NKAIN3: variants seen among roughly 807,000 people sequenced by gnomAD.
NKAIN3 encodes sodium/potassium-transporting ATPase subunit beta-1-interacting protein 3.
In NKAIN3, 25 loss-of-function variants were observed where a neutral mutation model predicts 30.2. The ratio of observed to expected loss-of-function variants is 0.83; its 90% CI spans 0.60 to 1.16. The LOEUF (loss-of-function observed/expected upper bound fraction) is 1.16, where lower values mean the gene tolerates loss of function less well. NKAIN3 is among the 50% of genes most tolerant of loss of function. The probability of loss-of-function intolerance (pLI) is 0.00; values close to 1 mark genes in which losing one functional copy is unlikely to be tolerated. For synonymous variants in NKAIN3, 91 were observed against 89.6 expected (o/e 1.02, Z -0.09); for missense variants, 225 against 254.1 (o/e 0.89, Z 0.78).
intron 4 of NKAIN3, among the ~76,000 whole-genome samples, chr8:62,894,487 T>G (rs546565960): frequency 1.8e-4 from 28 of 152,300 alleles, no homozygotes; most frequent in Middle Eastern, 3.4e-3. Flanking sequence ...TTATTTGTGT[T>G]TGTTTGTTGA....
chr8:62,584,844 T>C (rs1380276874), intron 2 of NKAIN3, among the ~76,000 whole-genome samples: 2 of 152,202 alleles, frequency 1.3e-5, no homozygotes, highest in Admixed American at 6.5e-5. Flanking sequence ...CCGGCTGTCA[T>C]CATTGCTTCG....
intron 4 of NKAIN3, among the ~76,000 whole-genome samples, chr8:62,839,494 G>C (rs1819468480): frequency 6.6e-6 from 1 of 152,096 alleles, no homozygotes; most frequent in East Asian, 1.9e-4. Flanking sequence ...AAGTAAATCT[G>C]TTGTAGAGAC....
At position 62,972,789 on chromosome 8, in the gene NKAIN3, T is replaced by C. The variant is rs1336900995; in HGVS notation, c.*7382T>C. On this transcript the variant is annotated 3_prime_UTR_variant, in exon 7 of 7. Coordinates refer to ENST00000623646, the MANE Select transcript of NKAIN3 (RefSeq NM_001304533.3). ...TTGCTGCACCCATCAATTCATCATC[T>C]ACATTAGGTATATCTCCTAATGTTA... Among the ~76,000 whole-genome samples the C allele has an allele frequency of 6.6e-6, 1 of 152,192 alleles. No individual in the cohort carries two copies. The highest frequency in any genetic ancestry group is 1.9e-4 in the East Asian group (1 of 5,200).
At chr8:62,494,962 C>T (rs1807189666) in intron 1 of NKAIN3, among the ~76,000 whole-genome samples, 1 of 151,928 alleles carries the variant, frequency 6.6e-6, no homozygotes, top group Non-Finnish European at 1.5e-5. Flanking sequence ...AAAAATGACT[C>T]CTGGATTTGC....
At chr8:62,786,570 G>A (rs572189019) in intron 4 of NKAIN3, among the ~76,000 whole-genome samples, 2 of 152,070 alleles carry the variant, frequency 1.3e-5, no homozygotes, top group South Asian at 4.2e-4. Flanking sequence ...GTGATCTAGG[G>A]AACAGTAACA....
intron 1 of NKAIN3, among the ~76,000 whole-genome samples, chr8:62,534,494 TC>T (rs1808589206): frequency 6.6e-6 from 1 of 152,138 alleles, no homozygotes; most frequent in Non-Finnish European, 1.5e-5. Flanking sequence ...TGTATTTTTT[TC>T]ACACCCCCAA....
chr8:62,266,366 A>G lies in NKAIN3; in HGVS notation c.54+17239A>G, dbSNP rs551518168. ...TTATGTAACCTTGGTAGGAATTACCATATTAAAATAAATTAAGATTTCTCT... is the reference window on the plus strand; with the variant it reads ...TTATGTAACCTTGGTAGGAATTACCGTATTAAAATAAATTAAGATTTCTCT... On this transcript the variant is annotated intron_variant, in intron 1 of 6. Coordinates refer to ENST00000623646, the MANE Select transcript of NKAIN3 (RefSeq NM_001304533.3). Among the ~76,000 whole-genome samples the G allele has an allele frequency of 7.8e-4, 119 of 152,332 alleles. 1 individual carries two copies. Among genetic ancestry groups the G allele is most frequent in the Admixed American group, 3.1e-3 (47 of 15,294 alleles).
At chr8:62,611,681 G>C (rs1281867971) in intron 3 of NKAIN3, among the ~76,000 whole-genome samples, 2 of 151,960 alleles carry the variant, frequency 1.3e-5, no homozygotes, top group East Asian at 1.9e-4. Flanking sequence ...TTTAAAATCT[G>C]TTCATCTGTT....
At chr8:62,451,508 A>G (rs761026883) in intron 1 of NKAIN3, among the ~76,000 whole-genome samples, 1 of 152,176 alleles carries the variant, frequency 6.6e-6, no homozygotes, top group Non-Finnish European at 1.5e-5. Context: ...AGGAGAACGT[A>G]TAAGCACCAC....
chr8:62,447,744 A>G (rs1805528073), intron 1 of NKAIN3, among the ~76,000 whole-genome samples: 1 of 152,028 alleles, frequency 6.6e-6, no homozygotes, highest in South Asian at 2.1e-4. Context: ...CCTGGTAGCA[A>G]ATTAGATCCC....
intron 4 of NKAIN3, among the ~76,000 whole-genome samples, chr8:62,790,441 A>C (rs1221314649): frequency 6.6e-6 from 1 of 152,104 alleles, no homozygotes; most frequent in Non-Finnish European, 1.5e-5. Flanking sequence ...CTTATTTTAA[A>C]AAGTTATGAG....
intron 1 of NKAIN3, among the ~76,000 whole-genome samples, chr8:62,513,563 C>T (rs1807879318): frequency 6.6e-6 from 1 of 151,914 alleles, no homozygotes; most frequent in Non-Finnish European, 1.5e-5. Flanking sequence ...GACAAACATT[C>T]CAGGCAAAGG....
At chr8:62,368,893 AT>A (rs1049892036) in intron 1 of NKAIN3, among the ~76,000 whole-genome samples, 1 of 151,410 alleles carries the variant, frequency 6.6e-6, no homozygotes, top group African/African-American at 2.4e-5. Context: ...TGCAATGCCT[AT>A]TCTAGGAAGA....
intron 1 of NKAIN3, among the ~76,000 whole-genome samples, chr8:62,433,484 G>T (rs1805078722): frequency 6.6e-6 from 1 of 152,060 alleles, no homozygotes; most frequent in Admixed American, 6.6e-5. Flanking sequence ...GCCAGATATG[G>T]GATCTGGGTA....
chr8:62,674,158 C>T (rs1813400091), intron 3 of NKAIN3, among the ~76,000 whole-genome samples: 1 of 152,176 alleles, frequency 6.6e-6, no homozygotes, highest in Admixed American at 6.5e-5. Flanking sequence ...GCAATCTGAA[C>T]CTCCTCCACC....
At chr8:62,690,218 C>T (rs1445937006) in intron 3 of NKAIN3, among the ~76,000 whole-genome samples, 1 of 152,064 alleles carries the variant, frequency 6.6e-6, no homozygotes, top group Non-Finnish European at 1.5e-5. Flanking sequence ...GCGCCTCACC[C>T]AGAAATGCCA....
intron 3 of NKAIN3, among the ~76,000 whole-genome samples, chr8:62,729,040 C>CAAAAAAAAA (rs1317282077): frequency 1.6e-5 from 1 of 61,194 alleles, no homozygotes; most frequent in Non-Finnish European, 3.0e-5. Context: ...AAAAAAAAAA[C>CAAAAAAAAA]AAAAAAAAAA....
In NKAIN3 at chr8:62,965,649, T is replaced by G; in HGVS notation, c.*242T>G. 2 of 967,468 alleles carry G rather than the reference T, an allele frequency of 2.1e-6. No homozygotes were observed. The allele number at this position is 967,468 out of a possible 1,614,324, so 59.9% of individuals were successfully genotyped here. A position where few individuals can be genotyped will look rare whatever the true frequency, so the allele number is the denominator to read the frequency against. On this transcript the variant is annotated 3_prime_UTR_variant, in exon 7 of 7. Transcript: ENST00000623646. The stretch of plus-strand genomic sequence containing the variant: ...AAAAAAAAAAAAAGAAAAAACAGAA[T>G]TTGGTTTTAAATTTTTAACAATATT...
intron 1 of NKAIN3, among the ~76,000 whole-genome samples, chr8:62,313,576 A>G (rs936080468): frequency 3.3e-5 from 5 of 152,158 alleles, no homozygotes; most frequent in Non-Finnish European, 5.9e-5. Flanking sequence ...AGCTATTATT[A>G]ATTATAAGGA....
Sources: allele counts gnomAD v4.1 joint callset (sites outside exome capture counted in the v4.1 genomes callset), GRCh38; gene constraint gnomAD v4.1.1; transcripts MANE v1.5; gene names NCBI Gene and HGNC (gene_info 2026-07-23, HGNC 2026-07-21).